The following NFATC1 variants were observed in gnomAD, a reference collection of about 807,000 sequenced individuals.
NFATC1 encodes nuclear factor of activated T cells 1, also known as nuclear factor of activated T-cells, cytoplasmic 1.
A neutral mutation model predicts 76.0 loss-of-function variants in NFATC1; 22 were observed. The observed-to-expected ratio is 0.29, with a 90% CI of 0.21 to 0.41. The LOEUF (loss-of-function observed/expected upper bound fraction) is 0.41, where lower values mean the gene tolerates loss of function less well. Among genes scored for constraint, NFATC1 ranks in the 10% least tolerant of loss-of-function variants. The pLI is 1.00. For synonymous variants in NFATC1, 704 were observed against 613.1 expected, an observed-to-expected ratio of 1.15 and a Z score of -2.19; for missense variants, 1,357 against 1,337.7, an observed-to-expected ratio of 1.01 and a Z score of -0.23.
chr18:79,411,570 C>T (rs1036533618), intron 2 of NFATC1, 69 bp downstream of exon 2: 34 of 862,594 alleles, frequency 3.9e-5, no homozygotes, highest in Non-Finnish European at 4.7e-5. Flanking sequence ...ACGCGGGGAG[C>T]GGGACGGGGG....
chr18:79,503,156 C>G (rs1660151), intron 9 of NFATC1, among the ~76,000 whole-genome samples: 111,437 of 152,108 alleles, frequency 0.73, 41,380 homozygotes, highest in Non-Finnish European at 0.79. Context: ...TACTGAGCAC[C>G]CCAGGACTCA....
intron 3 of NFATC1, among the ~76,000 whole-genome samples, chr18:79,443,102 C>T (rs374229299): frequency 4.6e-5 from 7 of 152,146 alleles, no homozygotes; most frequent in African/African-American, 1.2e-4. Flanking sequence ...GGTCCCTGTG[C>T]GGGGCGGCGA....
chr18:79,518,724 TC>T (rs1470522055), intron 9 of NFATC1, among the ~76,000 whole-genome samples: 2 of 152,112 alleles, frequency 1.3e-5, no homozygotes, highest in Non-Finnish European at 2.9e-5. Flanking sequence ...AGTCCTGTCT[TC>T]AAAACGAGAC....
intron 1 of NFATC1, chr18:79,400,613 G>C: frequency 1.3e-6 from 1 of 762,656 alleles, no homozygotes; most frequent in African/African-American, 1.9e-5. Flanking sequence ...AGGGGCTACG[G>C]CGGGGGACGC....
intron 2 of NFATC1, among the ~76,000 whole-genome samples, chr18:79,427,463 G>A (rs2086397500): frequency 9.8e-6 from 1 of 102,480 alleles, no homozygotes; most frequent in East Asian, 2.9e-4. Context: ...TCTGTGCGGT[G>A]GGTGGGGGCT....
chr18:79,528,707 C>T lies in NFATC1; in HGVS notation c.*1130C>T, dbSNP rs2090829913. 1 of 152,236 alleles carries T rather than the reference C, an allele frequency of 6.6e-6. No homozygotes were observed. Among genetic ancestry groups the T allele is most frequent in the Non-Finnish European group, 1.5e-5 (1 of 68,028 alleles). 9.4% of individuals were successfully genotyped at this position (152,236 alleles called of 1,614,324 possible). A position where few individuals can be genotyped will look rare whatever the true frequency, so the allele number is the denominator to read the frequency against. On this transcript the variant is annotated 3_prime_UTR_variant, in exon 10 of 10. Coordinates refer to ENST00000427363, the MANE Select transcript of NFATC1 (RefSeq NM_001278669.2). ...TGATTGTTTCACAGAAGCCTTACCA[C>T]TCTCTGCTTCATCTAAGAAAACCAA...
intron 1 of NFATC1, chr18:79,400,367 C>CGACCCG (rs1555896678): frequency 1.0e-5 from 15 of 1,434,276 alleles, no homozygotes; most frequent in Admixed American, 2.8e-5. Context: ...CCCCGGCTCC[C>CGACCCG]GCCCCGGCCC....
At chr18:79,522,942 G>C (rs2090653838) in intron 9 of NFATC1, among the ~76,000 whole-genome samples, 1 of 152,224 alleles carries the variant, frequency 6.6e-6, no homozygotes, top group Non-Finnish European at 1.5e-5. Context: ...CTGGGGGCAG[G>C]TGGCTGTTCA....
At chr18:79,433,527 C>G in intron 2 of NFATC1, 52 bp from the exon 3 acceptor site, 1 of 1,608,856 alleles carries the variant, frequency 6.2e-7, no homozygotes, top group Admixed American at 1.7e-5. Context: ...ACGTGTGGCC[C>G]GGGCGAGGTC....
At chr18:79,489,704 C>T (rs1302729752) in intron 9 of NFATC1, among the ~76,000 whole-genome samples, 1 of 152,168 alleles carries the variant, frequency 6.6e-6, no homozygotes, top group Middle Eastern at 3.2e-3. Context: ...CCCAGCCCAC[C>T]AACCACAGTC....
chr18:79,482,343 C>A (rs1372455674), intron 8 of NFATC1, among the ~76,000 whole-genome samples: 3 of 136,218 alleles, frequency 2.2e-5, no homozygotes, highest in African/African-American at 8.4e-5. Flanking sequence ...TCCAGCGTGA[C>A]CTGGTCCTGG....
chr18:79,526,779 C>T (rs2145252525), intron 9 of NFATC1, among the ~76,000 whole-genome samples: 1 of 152,366 alleles, frequency 6.6e-6, no homozygotes, highest in East Asian at 1.9e-4. Flanking sequence ...CAGGAAGCCG[C>T]CCTGAGACAG....
intron 9 of NFATC1, among the ~76,000 whole-genome samples, chr18:79,495,032 C>T (rs1461016925): frequency 1.3e-5 from 2 of 152,242 alleles, no homozygotes; most frequent in Non-Finnish European, 2.9e-5. Flanking sequence ...GGCTGGAGAA[C>T]CCTGGGGCAG....
intron 9 of NFATC1, among the ~76,000 whole-genome samples, chr18:79,522,052 A>G (rs563591201): frequency 9.0e-3 from 194 of 21,476 alleles, no homozygotes; most frequent in Middle Eastern, 0.067. Context: ...GTGTGTGGGG[A>G]GGGGGCGTCC....
intron 9 of NFATC1, among the ~76,000 whole-genome samples, chr18:79,490,327 A>G (rs1260676383): frequency 6.9e-6 from 1 of 145,940 alleles, no homozygotes; most frequent in Non-Finnish European, 1.5e-5. Flanking sequence ...TCCCTGGTGC[A>G]GGCTCAGGCT....
chr18:79,414,401 G>A (rs1199544924), intron 2 of NFATC1, among the ~76,000 whole-genome samples: 1 of 152,236 alleles, frequency 6.6e-6, no homozygotes, highest in African/African-American at 2.4e-5. Context: ...GGTGGAAAGT[G>A]TGCTGTGTGC....
At chr18:79,480,135 A>G (rs902534385) in intron 8 of NFATC1, among the ~76,000 whole-genome samples, 1 of 152,218 alleles carries the variant, frequency 6.6e-6, no homozygotes, top group Non-Finnish European at 1.5e-5. Flanking sequence ...CAGACTCACA[A>G]GATGCCGTCG....
At position 79,412,084 on chromosome 18, in the gene NFATC1, G is replaced by A. The variant is rs552845459; in HGVS notation, c.1226+583G>A. 3.6e-4 allele frequency among the ~76,000 whole-genome samples: 55 copies of A among 152,362 alleles called. 2 individuals are homozygous for A. In the South Asian group the frequency reaches 5.4e-3, roughly 15 times the overall value. ...GCACGGCCTCCTGCTCCCCAGAGAC[G>A]CCGGCTGTGGCATCAGGCTGGGGGA... On this transcript the variant is annotated intron_variant, in intron 2 of 9. Transcript: ENST00000427363.
At chr18:79,431,798 G>A (rs533333532) in intron 2 of NFATC1, among the ~76,000 whole-genome samples, 44 of 152,288 alleles carry the variant, frequency 2.9e-4, no homozygotes, top group Admixed American at 2.1e-3. Flanking sequence ...CTCCTCTTCG[G>A]TATAAGCAAT....
Sources: allele counts gnomAD v4.1 joint callset (sites outside exome capture counted in the v4.1 genomes callset), GRCh38; gene constraint gnomAD v4.1.1; transcripts MANE v1.5; gene names NCBI Gene and HGNC (gene_info 2026-07-23, HGNC 2026-07-21).